The following PDE9A variants were observed in gnomAD, a reference collection of about 807,000 sequenced individuals.
PDE9A encodes the protein phosphodiesterase 9A.
In PDE9A, 60 loss-of-function variants were observed where a neutral mutation model predicts 87.4. The ratio of observed to expected loss-of-function variants is 0.69; its 90% CI spans 0.56 to 0.85. PDE9A has a LOEUF of 0.85. Among genes scored for constraint, PDE9A ranks in the 40% least tolerant of loss-of-function variants. The pLI is 0.00. For synonymous variants in PDE9A, 272 were observed against 279.4 expected (o/e 0.97, Z 0.27); for missense variants, 665 against 779.0 (o/e 0.85, Z 1.74).
At chr21:42,674,915 G>C (rs1191051968) in intron 1 of PDE9A, among the ~76,000 whole-genome samples, 1 of 152,194 alleles carries the variant, frequency 6.6e-6, no homozygotes, top group African/African-American at 2.4e-5. Flanking sequence ...CAATTTCTAA[G>C]CTCAGCTTCC....
intron 3 of PDE9A, 137 bp downstream of exon 3, chr21:42,688,131 G>A (rs2059580273): frequency 1.3e-6 from 1 of 747,706 alleles, no homozygotes; most frequent in Non-Finnish European, 2.3e-6. Flanking sequence ...GAGGGTAGGA[G>A]CCAGTGTGAA....
At chr21:42,662,969 C>T (rs7276017) in intron 1 of PDE9A, among the ~76,000 whole-genome samples, 61,711 of 146,010 alleles carry the variant, frequency 0.42, 16,162 homozygotes, top group African/African-American at 0.77. Flanking sequence ...GCACACGCCA[C>T]GCGCCTCACA....
intron 3 of PDE9A, chr21:42,697,439 A>G (rs1249666834): frequency 1.2e-6 from 2 of 1,611,294 alleles, no homozygotes; most frequent in East Asian, 4.5e-5. Flanking sequence ...TCTATACATC[A>G]CTCCGTAACT....
rs2050744562 is a variant in PDE9A at position 42,723,611 on chromosome 21, C to A, written c.263-8159C>A. Among the ~76,000 whole-genome samples, 1 of 152,138 alleles carries A rather than the reference C, an allele frequency of 6.6e-6. No individual in the cohort carries two copies. Among genetic ancestry groups the A allele is most frequent in the Non-Finnish European group, 1.5e-5 (1 of 68,032 alleles). On this transcript the variant is annotated intron_variant, in intron 4 of 19. Transcript: ENST00000291539. The surrounding 1 kb of genome is among the most constrained non-coding windows in gnomAD (Gnocchi z 4.3). ...CCACTCTAGCATGCAGACTCGGGGG[C>A]ACTTTTAGATATTCTATTGGTTGTT...
intron 1 of PDE9A, among the ~76,000 whole-genome samples, chr21:42,677,583 C>A (rs1371454134): frequency 1.1e-4 from 17 of 152,210 alleles, no homozygotes; most frequent in African/African-American, 4.1e-4. Context: ...TGTGACGGTG[C>A]TGCTGTCTTT....
At chr21:42,703,878 T>A (rs2048588634) in intron 4 of PDE9A, among the ~76,000 whole-genome samples, 1 of 152,014 alleles carries the variant, frequency 6.6e-6, no homozygotes, top group South Asian at 2.1e-4. Flanking sequence ...AAGTTTTGAG[T>A]AAAAGAACAA....
intron 18 of PDE9A, among the ~76,000 whole-genome samples, chr21:42,771,026 G>A (rs371668352): frequency 1.3e-5 from 2 of 152,244 alleles, no homozygotes; most frequent in South Asian, 2.1e-4. Context: ...CAGTACCTTC[G>A]AGGGAGTTTA....
chr21:42,730,380 C>G (rs2051600026), intron 4 of PDE9A, among the ~76,000 whole-genome samples: 1 of 152,060 alleles, frequency 6.6e-6, no homozygotes, highest in African/African-American at 2.4e-5. Context: ...GGTCTACCCT[C>G]TCGTTTGACA....
rs560447199 is a variant in PDE9A at position 42,670,928 on chromosome 21, A to G, written c.70-15264A>G. 5.9e-5 allele frequency among the ~76,000 whole-genome samples: 9 copies of G among 152,134 alleles called. 1 individual carries two copies. Among genetic ancestry groups the G allele is most frequent in the African/African-American group, 1.9e-4 (8 of 41,554 alleles). On this transcript the variant is annotated intron_variant, in intron 1 of 19. Transcript: ENST00000291539. ...TATACTTCCCATCCCTTTTCTTGCC[A>G]TGTATTTCCTGAACACATGTTATCT...
At position 42,775,331 on chromosome 21, in the gene PDE9A, G is replaced by A; in HGVS notation, c.*38G>A. The A allele has an allele frequency of 6.2e-7, 1 of 1,604,034 alleles. No homozygotes were observed. ...GCGTGGCTGCAGTTCTGGACGGGCT[G>A]GCCGAGCTGCGCGGGATCCTTGTGC... On this transcript the variant is annotated 3_prime_UTR_variant, in exon 20 of 20. Transcript: ENST00000291539.
At chr21:42,758,599 T>A (rs573760534) in intron 10 of PDE9A, 1 of 198,706 alleles carries the variant, frequency 5.0e-6, no homozygotes, top group South Asian at 9.0e-5. Flanking sequence ...TCAGCTGTGA[T>A]ATTGATCCGC....
At chr21:42,663,021 A>G (rs763635308) in intron 1 of PDE9A, among the ~76,000 whole-genome samples, 1 of 149,666 alleles carries the variant, frequency 6.7e-6, no homozygotes, top group Non-Finnish European at 1.5e-5. Flanking sequence ...ACACACACGC[A>G]CATATCACAC....
At chr21:42,658,443 C>T (rs2057252984) in intron 1 of PDE9A, among the ~76,000 whole-genome samples, 2 of 152,240 alleles carry the variant, frequency 1.3e-5, no homozygotes, top group Non-Finnish European at 2.9e-5. Context: ...ACTGCCCCAA[C>T]CTTGTCTGGT....
intron 1 of PDE9A, among the ~76,000 whole-genome samples, chr21:42,666,474 G>C (rs927649559): frequency 1.3e-5 from 2 of 152,144 alleles, no homozygotes; most frequent in African/African-American, 4.8e-5. Flanking sequence ...CCGCAGCTCC[G>C]TCTCAGCTTT....
intron 1 of PDE9A, among the ~76,000 whole-genome samples, chr21:42,670,190 C>CACATTCACACACATACACTT (rs1317844560): frequency 3.4e-5 from 5 of 148,736 alleles, no homozygotes; most frequent in African/African-American, 5.1e-5. Flanking sequence ...TACACTTACA[C>CACATTCACACACATACACTT]ACATTCACAC....
intron 1 of PDE9A, among the ~76,000 whole-genome samples, chr21:42,658,936 C>G (rs879735554): frequency 3.3e-5 from 5 of 152,096 alleles, no homozygotes; most frequent in African/African-American, 9.7e-5. Flanking sequence ...GAGTTGCCAG[C>G]CTTATTGCTG....
At chr21:42,688,718 C>T (rs2059616327) in intron 3 of PDE9A, among the ~76,000 whole-genome samples, 1 of 152,238 alleles carries the variant, frequency 6.6e-6, no homozygotes, top group African/African-American at 2.4e-5. Context: ...CCCTCTCTGG[C>T]GTCCTCTGTT....
At chr21:42,744,797 A>G (rs1227528545) in intron 8 of PDE9A, among the ~76,000 whole-genome samples, 1 of 152,220 alleles carries the variant, frequency 6.6e-6, no homozygotes, top group Non-Finnish European at 1.5e-5. Context: ...TGGGGATGGA[A>G]ATGCCGGTAG....
rs563989769 is a variant in PDE9A at position 42,722,236 on chromosome 21, G to C, written c.263-9534G>C. On this transcript the variant is annotated intron_variant, in intron 4 of 19. Transcript: ENST00000291539. The surrounding 1 kb of genome is among the most constrained non-coding windows in gnomAD (Gnocchi z 4.1). ...CATGATCCGCCCACCTCAGCCTCCA[G>C]AAGTGCTGAGATTACAGGCGTGAGC... 3.5e-4 allele frequency among the ~76,000 whole-genome samples: 54 copies of C among 152,216 alleles called. No individual in the cohort carries two copies. The highest frequency in any genetic ancestry group is 1.1e-3 in the African/African-American group (46 of 41,536).
Sources: allele counts gnomAD v4.1 joint callset (sites outside exome capture counted in the v4.1 genomes callset), GRCh38; gene constraint gnomAD v4.1.1; non-coding constraint Gnocchi (gnomAD v3.1); transcripts MANE v1.5; gene names NCBI Gene and HGNC (gene_info 2026-07-23, HGNC 2026-07-21).